The following PPP2R5C variants were observed in gnomAD, a reference collection of about 807,000 sequenced individuals.
The protein encoded by PPP2R5C is serine/threonine-protein phosphatase 2A 56 kDa regulatory subunit gamma isoform.
In PPP2R5C, 7 loss-of-function variants were observed where a neutral mutation model predicts 68.9. The observed-to-expected ratio is 0.10, with a 90% confidence interval of 0.06 to 0.19. The LOEUF (loss-of-function observed/expected upper bound fraction) is 0.19, where lower values mean the gene tolerates loss of function less well. PPP2R5C is among the 10% of genes least tolerant of loss of function. The pLI, the probability that PPP2R5C is intolerant of heterozygous loss-of-function variation, is 1.00. For synonymous variants in PPP2R5C, 210 were observed against 222.2 expected (o/e 0.95, Z 0.49); for missense variants, 348 against 641.3 (o/e 0.54, Z 4.94).
intron 2 of PPP2R5C, chr14:101,765,099 G>A (rs1425759586): frequency 2.9e-6 from 2 of 695,046 alleles, no homozygotes; most frequent in Non-Finnish European, 5.3e-6. Flanking sequence ...GACCTGCGGT[G>A]TGGCCTGCAG....
intron 1 of PPP2R5C, among the ~76,000 whole-genome samples, chr14:101,815,809 A>T (rs948272648): frequency 1.3e-5 from 2 of 152,134 alleles, no homozygotes; most frequent in Non-Finnish European, 2.9e-5. Context: ...AGCTGGGATT[A>T]CAGGTGCATG....
intron 2 of PPP2R5C, among the ~76,000 whole-genome samples, chr14:101,764,030 G>C (rs77541980): frequency 0.042 from 6,147 of 146,216 alleles, 213 homozygotes; most frequent in African/African-American, 0.089. Context: ...TGTGTGTGTG[G>C]GCGCGCGCAC....
chr14:101,901,077 C>T (rs2045659187), intron 8 of PPP2R5C, among the ~76,000 whole-genome samples: 1 of 152,186 alleles, frequency 6.6e-6, no homozygotes, highest in South Asian at 2.1e-4. Flanking sequence ...TCTATGCATA[C>T]AGAAGTATGT....
intron 8 of PPP2R5C, among the ~76,000 whole-genome samples, chr14:101,897,580 A>G (rs1287037663): frequency 2.0e-5 from 3 of 151,980 alleles, no homozygotes; most frequent in Admixed American, 1.3e-4. Context: ...AGGCTAGGCC[A>G]GTCTAGTCTT....
intron 1 of PPP2R5C, chr14:101,818,179 G>A (rs2039834378): frequency 6.6e-6 from 1 of 152,218 alleles, no homozygotes; most frequent in Non-Finnish European, 1.5e-5. Flanking sequence ...CCTCAGTTCA[G>A]AGTATACTTA....
At position 101,915,260 on chromosome 14, in the gene PPP2R5C, T is replaced by G. The variant is rs374290017; in HGVS notation, c.1327-2571T>G. Reference sequence around the variant, plus strand: ...CCATGCCTGGCTAATTTTTGTATTTTTAGTAGAGACGGGGTTTCACTATGT... The same window carrying G: ...CCATGCCTGGCTAATTTTTGTATTTGTAGTAGAGACGGGGTTTCACTATGT... On this transcript the variant is annotated intron_variant, in intron 12 of 13. Coordinates refer to ENST00000334743, the Ensembl canonical transcript of PPP2R5C. This position sits in a 1 kb window ranked among gnomAD's most constrained non-coding sequence, Gnocchi z 4.2. Among the ~76,000 whole-genome samples the G allele has an allele frequency of 6.6e-6, 1 of 152,148 alleles. No individual in the cohort carries two copies. Among genetic ancestry groups the G allele is most frequent in the Non-Finnish European group, 1.5e-5 (1 of 68,022 alleles).
intron 2 of PPP2R5C, among the ~76,000 whole-genome samples, chr14:101,767,393 C>G (rs553700361): frequency 6.6e-6 from 1 of 152,306 alleles, no homozygotes; most frequent in Admixed American, 6.5e-5. Flanking sequence ...AAGAAATACT[C>G]CTTTTCACAG....
chr14:101,899,493 G>A lies in PPP2R5C; in HGVS notation c.853-2226G>A, dbSNP rs145708351. 4.6e-3 allele frequency among the ~76,000 whole-genome samples: 698 copies of A among 152,328 alleles called. 9 individuals are homozygous for A. Among genetic ancestry groups the A allele is most frequent in the African/African-American group, 0.015 (643 of 41,576 alleles). The stretch of plus-strand genomic sequence containing the variant: ...CCTCCACAGAGCACGCCACACTGAC[G>A]CAGCAAAATAGCTGATACCGATCAC... On this transcript the variant is annotated intron_variant, in intron 8 of 13. Coordinates refer to ENST00000334743, the Ensembl canonical transcript of PPP2R5C. The surrounding 1 kb of genome is among the most constrained non-coding windows in gnomAD (Gnocchi z 4.2).
At chr14:101,819,140 A>T in intron 1 of PPP2R5C, 1 of 1,458,526 alleles carries the variant, frequency 6.9e-7, no homozygotes, top group Non-Finnish European at 9.4e-7. Context: ...CAGTTTCTGT[A>T]CATGTATAAT....
chr14:101,761,357 G>GCAGCCA (rs2036514218), upstream of PPP2R5C, among the ~76,000 whole-genome samples: 1 of 152,002 alleles, frequency 6.6e-6, no homozygotes, highest in Non-Finnish European at 1.5e-5. Flanking sequence ...CACCGCAGTC[G>GCAGCCA]CAGCCACATG....
rs148253507 is a variant in PPP2R5C, at chr14:101,875,333, G to A, written c.295-6828G>A. On this transcript the variant is annotated intron_variant, in intron 2 of 13. Transcript: ENST00000334743. Reference sequence around the variant, plus strand: ...GAAGATATTAAACCAAGGACTTCCCGGCCACCCAGTCATACTTGAGATAAA... The same window carrying A: ...GAAGATATTAAACCAAGGACTTCCCAGCCACCCAGTCATACTTGAGATAAA... 5.1e-3 allele frequency among the ~76,000 whole-genome samples: 776 copies of A among 152,196 alleles called. 27 individuals carry two copies. The highest frequency in any genetic ancestry group is 2.3e-3 in the East Asian group (12 of 5,178).
At position 101,810,529 on chromosome 14, in the gene PPP2R5C, T is replaced by TA. The variant is rs569962900; in HGVS notation, c.94+497dup. Among the ~76,000 whole-genome samples the TA allele has an allele frequency of 5.0e-4, 76 of 152,336 alleles. 2 individuals are homozygous for TA. The South Asian group carries it at 7.2e-3, about 15-fold the overall frequency. ...CAATTGATTGGAAAAGAACTTCCTT[T>TA]AAAAGGATTGTTTTCATTCTTGCCG... On this transcript the variant is annotated intron_variant, in intron 1 of 13. Coordinates refer to ENST00000334743, the Ensembl canonical transcript of PPP2R5C.
chr14:101,832,852 C>T (rs959131602), intron 1 of PPP2R5C, among the ~76,000 whole-genome samples: 4 of 152,326 alleles, frequency 2.6e-5, no homozygotes, highest in Admixed American at 2.6e-4. Context: ...TGCTCTTCTG[C>T]ATTTACTCAG....
chr14:101,840,192 C>A (rs1566892861), intron 1 of PPP2R5C, among the ~76,000 whole-genome samples: 1 of 152,042 alleles, frequency 6.6e-6, no homozygotes, highest in Non-Finnish European at 1.5e-5. Flanking sequence ...TCACATTATT[C>A]TTTTCTCTGT....
At chr14:101,780,186 A>C (rs1194501345) in intron 2 of PPP2R5C, among the ~76,000 whole-genome samples, 1 of 152,156 alleles carries the variant, frequency 6.6e-6, no homozygotes, top group Non-Finnish European at 1.5e-5. Flanking sequence ...AAAAATATTA[A>C]CTGCAATTCC....
chr14:101,785,144 T>C (rs1256657098), intron 2 of PPP2R5C, among the ~76,000 whole-genome samples: 1 of 152,086 alleles, frequency 6.6e-6, no homozygotes, highest in East Asian at 1.9e-4. Context: ...GCAGAACAGC[T>C]CCAGCGGAGC....
At chr14:101,770,214 G>A (rs1164446714) in intron 2 of PPP2R5C, among the ~76,000 whole-genome samples, 1 of 152,130 alleles carries the variant, frequency 6.6e-6, no homozygotes, top group Non-Finnish European at 1.5e-5. Context: ...TTTATTTTGG[G>A]AATGTTTCTC....
chr14:101,823,726 A>G, intron 1 of PPP2R5C: 4 of 1,036,594 alleles, frequency 3.9e-6, no homozygotes, highest in South Asian at 3.1e-5. Flanking sequence ...CCGGACCAGC[A>G]CTTGGGTTTT....
chr14:101,778,450 C>T (rs61993988), intron 2 of PPP2R5C, among the ~76,000 whole-genome samples: 27,775 of 152,100 alleles, frequency 0.18, 3,418 homozygotes, highest in African/African-American at 0.34. Context: ...TGCTTGCACC[C>T]TTGGTGTCAT....
Sources: gnomAD v4.1 joint callset for allele counts (sites outside exome capture counted in the v4.1 genomes callset) on GRCh38, gnomAD v4.1.1 for gene constraint, Gnocchi (gnomAD v3.1) non-coding constraint, MANE v1.5 for transcripts, NCBI Gene and HGNC (gene_info 2026-07-23, HGNC 2026-07-21) for gene names.